Variants in PCDH9 observed in about 807,000 individuals in gnomAD.
PCDH9 encodes protocadherin-9.
PCDH9 carries 24 observed loss-of-function variants against 70.6 expected under a neutral mutation model. That is an observed-to-expected ratio of 0.34 (90% CI 0.25 to 0.48). The LOEUF (loss-of-function observed/expected upper bound fraction) is 0.48. Among genes scored for constraint, PCDH9 ranks in the 20% least tolerant of loss-of-function variants. The pLI is 0.99. For missense variants in PCDH9, 1,281 were observed against 1,503.6 expected (o/e 0.85, Z 2.45); for synonymous variants, 562 against 558.5 (o/e 1.01, Z -0.09).
At chr13:66,967,351 AT>A (rs2083448141) in intron 2 of PCDH9, among the ~76,000 whole-genome samples, 1 of 152,082 alleles carries the variant, frequency 6.6e-6, no homozygotes, top group Non-Finnish European at 1.5e-5. Context: ...ACATATAGCT[AT>A]TTAAATTTAA....
chr13:66,966,654 A>C (rs1271304603), intron 2 of PCDH9, among the ~76,000 whole-genome samples: 1 of 152,142 alleles, frequency 6.6e-6, no homozygotes, highest in Non-Finnish European at 1.5e-5. Flanking sequence ...TCTATGATTT[A>C]AGATGACATT....
At chr13:66,783,083 C>A (rs1406146516) in intron 3 of PCDH9, among the ~76,000 whole-genome samples, 1 of 152,088 alleles carries the variant, frequency 6.6e-6, no homozygotes, top group African/African-American at 2.4e-5. Context: ...TCACAGATTT[C>A]TACTTCTCTG....
chr13:66,865,164 C>A (rs1409572302), intron 3 of PCDH9, among the ~76,000 whole-genome samples: 1 of 151,914 alleles, frequency 6.6e-6, no homozygotes, highest in Admixed American at 6.6e-5. Context: ...GAAACATGGC[C>A]AAAAATTTTA....
intron 4 of PCDH9, among the ~76,000 whole-genome samples, chr13:66,447,647 CTT>C (rs1230755424): frequency 6.6e-6 from 1 of 152,028 alleles, no homozygotes; most frequent in Non-Finnish European, 1.5e-5. Context: ...GGTTGCAAAA[CTT>C]AATATAATAA....
chr13:66,917,163 AC>A (rs2139634596), intron 2 of PCDH9, among the ~76,000 whole-genome samples: 1 of 151,588 alleles, frequency 6.6e-6, no homozygotes, highest in South Asian at 2.1e-4. Flanking sequence ...GTTGATGTCA[AC>A]TTAGTCAAGT....
chr13:66,695,440 G>A (rs1320514203), intron 3 of PCDH9, among the ~76,000 whole-genome samples: 1 of 152,148 alleles, frequency 6.6e-6, no homozygotes, highest in African/African-American at 2.4e-5. Flanking sequence ...TGATGTGACT[G>A]CATCTTGAGC....
At chr13:66,318,536 A>C (rs184251219) in intron 4 of PCDH9, among the ~76,000 whole-genome samples, 102 of 152,318 alleles carry the variant, frequency 6.7e-4, no homozygotes, top group Non-Finnish European at 1.3e-3. Context: ...ATCTTTAAAA[A>C]TCTCTCAAGA....
At chr13:66,571,163 G>A (rs543403373) in intron 4 of PCDH9, among the ~76,000 whole-genome samples, 1 of 152,070 alleles carries the variant, frequency 6.6e-6, no homozygotes, top group South Asian at 2.1e-4. Context: ...TGTTTCCTAT[G>A]AGAGAATATT....
At chr13:66,939,424 A>ATGTG (rs57997772) in intron 2 of PCDH9, among the ~76,000 whole-genome samples, 3,409 of 148,060 alleles carry the variant, frequency 0.023, 110 homozygotes, top group African/African-American at 0.064. Context: ...TTTAAAATAT[A>ATGTG]TGTGTGTGTG....
At chr13:66,960,741 AT>A (rs1360194691) in intron 2 of PCDH9, among the ~76,000 whole-genome samples, 2 of 152,222 alleles carry the variant, frequency 1.3e-5, no homozygotes, top group Non-Finnish European at 2.9e-5. Context: ...ACTGTATAGA[AT>A]GAAGAAAATA....
rs191730422 is a variant in PCDH9 at position 66,786,337 on chromosome 13, C to T, written c.3138+117167G>A. Among the ~76,000 whole-genome samples the T allele has an allele frequency of 3.1e-4, 47 of 152,188 alleles. No homozygotes were observed. In the East Asian group the frequency reaches 6.6e-3, roughly 21 times the overall value. ...GACCACCTCCAATCAAGAATTAGGC[C>T]CATTATGCAAGCTGGCCCAATACAA... On this transcript the variant is annotated intron_variant, in intron 3 of 4. Coordinates refer to ENST00000377865, the MANE Select transcript of PCDH9 (RefSeq NM_203487.3).
At chr13:66,360,377 A>G (rs1399237541) in intron 4 of PCDH9, among the ~76,000 whole-genome samples, 1 of 152,084 alleles carries the variant, frequency 6.6e-6, no homozygotes, top group Non-Finnish European at 1.5e-5. Context: ...AAATGGGGGA[A>G]GTGTTTATTA....
At chr13:66,676,506 G>C (rs535133411) in intron 3 of PCDH9, among the ~76,000 whole-genome samples, 5 of 152,146 alleles carry the variant, frequency 3.3e-5, no homozygotes, top group African/African-American at 1.2e-4. Context: ...TATGACTTAA[G>C]ATATACGCTT....
chr13:66,944,441 C>A (rs2083054807), intron 2 of PCDH9, among the ~76,000 whole-genome samples: 1 of 152,120 alleles, frequency 6.6e-6, no homozygotes, highest in Admixed American at 6.6e-5. Context: ...TTATTTGTGA[C>A]AGGCACTATG....
At position 67,228,526 on chromosome 13, in the gene PCDH9, G is replaced by T. The variant is rs1035228120; in HGVS notation, c.-86C>A. The stretch of plus-strand genomic sequence containing the variant: ...ATGCACAAATTGCAAGAGGAAGCGT[G>T]CATGGACTGGAGGATGCATTATATC... On this transcript the variant is annotated 5_prime_UTR_variant, in exon 2 of 5. An upstream open reading frame in the 5' UTR gains an earlier in-frame stop. Transcript: ENST00000377865. The T allele has an allele frequency of 3.3e-5, 37 of 1,118,974 alleles. No homozygotes were observed. Among genetic ancestry groups the T allele is most frequent in the Non-Finnish European group, 4.6e-5 (36 of 790,056 alleles). The allele number at this position is 1,118,974 out of a possible 1,614,324, so 69.3% of individuals were successfully genotyped here.
chr13:66,948,039 G>A (rs1457652783), intron 2 of PCDH9, among the ~76,000 whole-genome samples: 2 of 152,078 alleles, frequency 1.3e-5, no homozygotes, highest in African/African-American at 2.4e-5. Flanking sequence ...AAGTAAAACC[G>A]ACAAGACATT....
At chr13:66,962,028 C>T (rs9540959) in intron 2 of PCDH9, among the ~76,000 whole-genome samples, 26,508 of 149,804 alleles carry the variant, frequency 0.18, 2,540 homozygotes, top group Non-Finnish European at 0.2. Context: ...TCCAGCCTGG[C>T]GACAGAGCGA....
intron 4 of PCDH9, among the ~76,000 whole-genome samples, chr13:66,320,005 T>G (rs1955725079): frequency 6.6e-6 from 1 of 152,104 alleles, no homozygotes; most frequent in South Asian, 2.1e-4. Context: ...AGCCAATTAT[T>G]AAGATAATAA....
Position 67,026,406 on chromosome 13 carries a change from A to G in PCDH9, c.3037-122801T>C, listed in dbSNP as rs568058504. Among the ~76,000 whole-genome samples, 4 of 152,254 alleles carry G rather than the reference A, an allele frequency of 2.6e-5. 1 individual carries two copies. In the South Asian group the frequency reaches 8.3e-4, roughly 32 times the overall value. ...TCTTAATAAATTAGGTATTGATGGGACGTATCTCAAAATAATAAGAGCTAT... is the reference window on the plus strand; with the variant it reads ...TCTTAATAAATTAGGTATTGATGGGGCGTATCTCAAAATAATAAGAGCTAT... On this transcript the variant is annotated intron_variant, in intron 2 of 4. Coordinates refer to ENST00000377865, the MANE Select transcript of PCDH9 (RefSeq NM_203487.3).
Sources: gnomAD v4.1 joint callset for allele counts (sites outside exome capture counted in the v4.1 genomes callset) on GRCh38, gnomAD v4.1.1 for gene constraint, MANE v1.5 for transcripts, NCBI Gene and HGNC (gene_info 2026-07-23, HGNC 2026-07-21) for gene names.